Variants in ZFHX3 observed in about 807,000 individuals in gnomAD.
ZFHX3 encodes the protein zinc finger homeobox protein 3.
Under a neutral mutation model 279.1 loss-of-function variants are expected in ZFHX3, and 42 were observed. That is an observed-to-expected ratio of 0.15 (90% CI 0.12 to 0.19). The LOEUF (loss-of-function observed/expected upper bound fraction) is 0.19. Ranked by LOEUF, ZFHX3 falls within the 10% of genes least tolerant of loss-of-function variation. The pLI, the probability that ZFHX3 is intolerant of heterozygous loss-of-function variation, is 1.00. For missense variants in ZFHX3, 4,981 were observed against 4,754.0 expected (o/e 1.05, Z -1.40); for synonymous variants, 2,293 against 1,957.8 (o/e 1.17, Z -4.52).
At chr16:73,342,905 G>T (rs1256548205) in intron 3 of ZFHX3, among the ~76,000 whole-genome samples, 2 of 152,292 alleles carry the variant, frequency 1.3e-5, no homozygotes, top group Non-Finnish European at 2.9e-5. Flanking sequence ...GGGGGCTGGG[G>T]AACTGGCCCA....
intron 3 of ZFHX3, among the ~76,000 whole-genome samples, chr16:72,903,478 T>C (rs1320256149): frequency 2.6e-5 from 4 of 152,150 alleles, no homozygotes; most frequent in Admixed American, 2.6e-4. Flanking sequence ...GATAACCTCC[T>C]CATATGTTAC....
intron 2 of ZFHX3, among the ~76,000 whole-genome samples, chr16:73,594,835 A>G (rs1028601034): frequency 3.3e-5 from 5 of 152,188 alleles, no homozygotes; most frequent in Non-Finnish European, 5.9e-5. Context: ...TGTTTCCAAG[A>G]TAAGGTTTTC....
intron 8 of ZFHX3, among the ~76,000 whole-genome samples, chr16:73,076,817 A>G (rs1182949357): frequency 1.3e-5 from 2 of 152,154 alleles, no homozygotes; most frequent in African/African-American, 2.4e-5. Context: ...GTGAACACAC[A>G]GTATGTGAAT....
At chr16:72,912,007 C>T (rs2039330839) in intron 3 of ZFHX3, among the ~76,000 whole-genome samples, 1 of 152,212 alleles carries the variant, frequency 6.6e-6, no homozygotes, top group Admixed American at 6.5e-5. Flanking sequence ...AAAAAATAAG[C>T]ATTCCATTCT....
intron 1 of ZFHX3, among the ~76,000 whole-genome samples, chr16:73,874,474 T>G (rs369555562): frequency 6.6e-6 from 1 of 152,226 alleles, no homozygotes; most frequent in East Asian, 1.9e-4. Context: ...TCCAGCTGCA[T>G]GTATTTACAA....
At chr16:73,013,988 GAT>G (rs1964007406) in intron 1 of ZFHX3, among the ~76,000 whole-genome samples, 1 of 152,224 alleles carries the variant, frequency 6.6e-6, no homozygotes, top group Non-Finnish European at 1.5e-5. Context: ...AGGATCTTTG[GAT>G]AGAGGAGATG....
At chr16:73,737,764 G>T (rs1344098713) in intron 1 of ZFHX3, among the ~76,000 whole-genome samples, 2 of 152,012 alleles carry the variant, frequency 1.3e-5, no homozygotes, top group Non-Finnish European at 2.9e-5. Flanking sequence ...TTGTGTGTTA[G>T]CCTGGCTTTT....
intron 5 of ZFHX3, among the ~76,000 whole-genome samples, chr16:72,820,696 G>A (rs993532896): frequency 6.6e-5 from 10 of 152,152 alleles, no homozygotes; most frequent in African/African-American, 2.4e-4. Flanking sequence ...ATGGTATCTT[G>A]TGAGGATGGG....
chr16:72,838,157 C>A (rs1451700228), intron 4 of ZFHX3, among the ~76,000 whole-genome samples: 1 of 152,196 alleles, frequency 6.6e-6, no homozygotes, highest in Non-Finnish European at 1.5e-5. Flanking sequence ...CCATTACCAC[C>A]ATCCCTGTTT....
At chr16:73,277,355 C>T (rs1233988443) in intron 4 of ZFHX3, among the ~76,000 whole-genome samples, 2 of 152,216 alleles carry the variant, frequency 1.3e-5, no homozygotes, top group Non-Finnish European at 2.9e-5. Flanking sequence ...TTCTCAAGGG[C>T]AGCACTGTGT....
chr16:73,674,824 A>T lies in ZFHX3; in HGVS notation c.-1547+5356T>A, dbSNP rs199786515. Among the ~76,000 whole-genome samples the T allele has an allele frequency of 1.2e-4, 18 of 152,300 alleles. No individual in the cohort carries two copies. The East Asian group carries it at 3.5e-3, about 29-fold the overall frequency. ...ACATGTGCAGGAGGCTATCAGGAAAAAAACAGCCCCAGTTGACTTCTCAGC... is the reference window on the plus strand; with the variant it reads ...ACATGTGCAGGAGGCTATCAGGAAATAAACAGCCCCAGTTGACTTCTCAGC... On this transcript the variant is annotated intron_variant, in intron 2 of 17. Transcript: ENST00000641206.
chr16:73,021,244 G>T (rs765856318), intron 1 of ZFHX3, among the ~76,000 whole-genome samples: 3 of 152,204 alleles, frequency 2.0e-5, no homozygotes, highest in Non-Finnish European at 4.4e-5. Context: ...CGGGGCTCGA[G>T]GTTCTGGGAC....
At chr16:73,349,395 T>C (rs1395744907) in intron 3 of ZFHX3, among the ~76,000 whole-genome samples, 1 of 152,216 alleles carries the variant, frequency 6.6e-6, no homozygotes, top group Non-Finnish European at 1.5e-5. Flanking sequence ...GCAGGATTTG[T>C]GAGATCCCAT....
intron 5 of ZFHX3, among the ~76,000 whole-genome samples, chr16:73,185,122 T>C (rs1282048956): frequency 6.6e-6 from 1 of 152,110 alleles, no homozygotes; most frequent in African/African-American, 2.4e-5. Context: ...GGACTACATG[T>C]ACCATCTCTT....
chr16:73,728,014 T>TCCC (rs2053534162), intron 1 of ZFHX3, among the ~76,000 whole-genome samples: 2 of 25,266 alleles, frequency 7.9e-5, no homozygotes, highest in Non-Finnish European at 2.2e-4. Flanking sequence ...AGCCGAATTG[T>TCCC]GCCCCCCCCC....
At position 72,922,702 on chromosome 16, in the gene ZFHX3, A is replaced by C. The variant is rs961087099; in HGVS notation, c.3216+27767T>G. Reference sequence around the variant, plus strand: ...TCTTCCTTTGAAATTGCCTTGTGTGATCAAAAATGAATCATAAAACATTTG... The same window carrying C: ...TCTTCCTTTGAAATTGCCTTGTGTGCTCAAAAATGAATCATAAAACATTTG... On this transcript the variant is annotated intron_variant, in intron 3 of 9. Coordinates refer to ENST00000268489, the MANE Select transcript of ZFHX3 (RefSeq NM_006885.4). 3.3e-5 allele frequency among the ~76,000 whole-genome samples: 5 copies of C among 152,314 alleles called. No homozygotes were observed. In the South Asian group the frequency reaches 1.0e-3, roughly 32 times the overall value.
intron 1 of ZFHX3, chr16:73,014,940 A>T (rs1964046930): frequency 1.3e-5 from 2 of 149,758 alleles, no homozygotes; most frequent in South Asian, 4.3e-4. Context: ...GGTTCACACT[A>T]CCCTCCTTCT....
chr16:73,444,950 T>A (rs2018155819), intron 3 of ZFHX3, among the ~76,000 whole-genome samples: 1 of 92,012 alleles, frequency 1.1e-5, no homozygotes. Context: ...AAACTCCATC[T>A]ATACTAAAAA....
Position 72,944,747 on chromosome 16 carries a change from A to G in ZFHX3, c.3216+5722T>C, listed in dbSNP as rs1960580860. ...TTATTACTAGCTTACACTTGAGGTA[A>G]ACATGGAATGCTAACCTTTTAAGAA... On this transcript the variant is annotated intron_variant, in intron 3 of 9. Coordinates refer to ENST00000268489, the MANE Select transcript of ZFHX3 (RefSeq NM_006885.4). Among the ~76,000 whole-genome samples, 9 of 152,332 alleles carry G rather than the reference A, an allele frequency of 5.9e-5. 1 individual carries two copies. In the South Asian group the frequency reaches 1.9e-3, roughly 32 times the overall value.
Sources: allele counts gnomAD v4.1 joint callset (sites outside exome capture counted in the v4.1 genomes callset), GRCh38; gene constraint gnomAD v4.1.1; transcripts MANE v1.5; gene names NCBI Gene and HGNC (gene_info 2026-07-23, HGNC 2026-07-21).